TMEM272: variants seen among roughly 807,000 people sequenced by gnomAD.
The protein encoded by TMEM272 is long intergenic non-protein coding RNA 282.
TMEM272 carries 8 observed loss-of-function variants against 3.7 expected under a neutral mutation model. The ratio of observed to expected loss-of-function variants is 2.17; its 90% CI spans 1.27 to 3.91. The LOEUF (loss-of-function observed/expected upper bound fraction) is 3.91, where lower values mean the gene tolerates loss of function less well. Among genes scored for constraint, TMEM272 ranks in the 30% most tolerant of loss-of-function variants. TMEM272 has a pLI of 0.00. For missense variants in TMEM272, 166 were observed against 91.5 expected (o/e 1.81, Z -3.32); for synonymous variants, 63 against 39.8 (o/e 1.58, Z -2.20).
chr13:51,848,401 G>A (rs1956316917), upstream of TMEM272, among the ~76,000 whole-genome samples: 1 of 152,120 alleles, frequency 6.6e-6, no homozygotes, highest in South Asian at 2.1e-4. Flanking sequence ...TATGAATAAA[G>A]GGCACATTAG....
the TMEM272 span, chr13:51,866,227 A>G: frequency 2.9e-6 from 2 of 688,840 alleles, no homozygotes; most frequent in Non-Finnish European, 4.6e-6. Context: ...AGGTTTGGAA[A>G]ACCAACTTAT....
At chr13:51,832,993 C>G (rs992769166) in intron 2 of TMEM272, among the ~76,000 whole-genome samples, 1 of 152,100 alleles carries the variant, frequency 6.6e-6, no homozygotes, top group Non-Finnish European at 1.5e-5. Context: ...AGTGAGGAAG[C>G]CTGGAGGAGG....
chr13:51,893,703 T>C, the TMEM272 span, among the ~76,000 whole-genome samples: 3 of 152,062 alleles, frequency 2.0e-5, no homozygotes, highest in African/African-American at 7.2e-5. Flanking sequence ...GTGATCGTGC[T>C]CAGAGGAGGC....
At chr13:51,866,308 C>G in the TMEM272 span, 13 of 475,624 alleles carry the variant, frequency 2.7e-5, no homozygotes, top group Non-Finnish European at 4.9e-5. Flanking sequence ...CTCTGGGCCA[C>G]AGAGATCGGT....
chr13:51,912,142 G>A, the TMEM272 span, among the ~76,000 whole-genome samples: 2 of 152,060 alleles, frequency 1.3e-5, no homozygotes, highest in Non-Finnish European at 2.9e-5. Context: ...ACAAACCACA[G>A]ATTCATCTAT....
chr13:51,889,330 C>G, the TMEM272 span, among the ~76,000 whole-genome samples: 231 of 152,198 alleles, frequency 1.5e-3, 1 homozygote, highest in African/African-American at 5.4e-3. Flanking sequence ...TCTAAAGTGA[C>G]TATATTTGGA....
At chr13:51,922,202 C>T in the TMEM272 span, among the ~76,000 whole-genome samples, 1 of 152,164 alleles carries the variant, frequency 6.6e-6, no homozygotes, top group Non-Finnish European at 1.5e-5. Context: ...AAATGCTGGG[C>T]ACATGCCCTT....
chr13:51,900,354 G>C, the TMEM272 span, among the ~76,000 whole-genome samples: 1 of 152,080 alleles, frequency 6.6e-6, no homozygotes, highest in East Asian at 1.9e-4. Flanking sequence ...CTCCAAAGAG[G>C]ATATACAAAT....
chr13:51,884,107 T>G, the TMEM272 span, among the ~76,000 whole-genome samples: 1 of 152,328 alleles, frequency 6.6e-6, no homozygotes, highest in Non-Finnish European at 1.5e-5. Flanking sequence ...CCAGTGTTCA[T>G]GTAGCATCAA....
At chr13:51,826,667 C>T (rs1956128516) in intron 2 of TMEM272, 42 bp from the exon 3 acceptor site, 1 of 702,210 alleles carries the variant, frequency 1.4e-6, no homozygotes, top group African/African-American at 1.7e-5. Flanking sequence ...TAGAAACACA[C>T]AGACCCCTGC....
the TMEM272 span, among the ~76,000 whole-genome samples, chr13:51,863,298 C>T: frequency 6.6e-6 from 1 of 152,154 alleles, no homozygotes; most frequent in African/African-American, 2.4e-5. Flanking sequence ...CAGCTTTGAT[C>T]TTTGGGCTAC....
the TMEM272 span, among the ~76,000 whole-genome samples, chr13:51,877,843 A>AT: frequency 1.4e-4 from 22 of 152,246 alleles, no homozygotes; most frequent in African/African-American, 5.3e-4. Context: ...TAAAATTGTA[A>AT]TTTTTTTCTG....
chr13:51,926,972 A>T, the TMEM272 span, among the ~76,000 whole-genome samples: 12 of 152,284 alleles, frequency 7.9e-5, no homozygotes, highest in South Asian at 2.5e-3. Flanking sequence ...GTGGAGCTTT[A>T]AGGGGAAAAC....
At chr13:51,921,032 AC>A in the TMEM272 span, among the ~76,000 whole-genome samples, 1 of 152,292 alleles carries the variant, frequency 6.6e-6, no homozygotes, top group East Asian at 1.9e-4. Context: ...CAGCTCTGCG[AC>A]GCCTGGTGGG....
chr13:51,817,875 T>G (rs1418928803), intron 4 of TMEM272, among the ~76,000 whole-genome samples: 1 of 152,146 alleles, frequency 6.6e-6, no homozygotes, highest in Non-Finnish European at 1.5e-5. Context: ...TGCTGCCACT[T>G]GGTTACACAA....
the TMEM272 span, among the ~76,000 whole-genome samples, chr13:51,881,004 C>T: frequency 6.6e-6 from 1 of 152,210 alleles, no homozygotes; most frequent in East Asian, 1.9e-4. Flanking sequence ...GAAGAGGTGA[C>T]TGAAGTGATC....
At chr13:51,873,903 G>A in the TMEM272 span, among the ~76,000 whole-genome samples, 1 of 152,320 alleles carries the variant, frequency 6.6e-6, no homozygotes, top group African/African-American at 2.4e-5. Flanking sequence ...AGCACCTTTG[G>A]AACACCCTTC....
At chr13:51,820,497 CT>C (rs1196992136) in intron 4 of TMEM272, among the ~76,000 whole-genome samples, 4 of 152,192 alleles carry the variant, frequency 2.6e-5, no homozygotes, top group African/African-American at 9.7e-5. Flanking sequence ...AAAATCAATG[CT>C]GCTTATTAGG....
the TMEM272 span, among the ~76,000 whole-genome samples, chr13:51,901,420 G>A: frequency 6.6e-6 from 1 of 151,972 alleles, no homozygotes; most frequent in Admixed American, 6.5e-5. Context: ...CGGTGGAGCT[G>A]CCTGTGCCCC....
Sources: allele counts gnomAD v4.1 joint callset (sites outside exome capture counted in the v4.1 genomes callset), GRCh38; gene constraint gnomAD v4.1.1; transcripts MANE v1.5; gene names NCBI Gene and HGNC (gene_info 2026-07-23, HGNC 2026-07-21).